VPS13B: variants seen among roughly 807,000 people sequenced by gnomAD.
VPS13B encodes the protein intermembrane lipid transfer protein VPS13B.
In VPS13B, 285 loss-of-function variants were observed where a neutral mutation model predicts 426.4. That is an observed-to-expected ratio of 0.67 (90% CI 0.61 to 0.74). VPS13B has a LOEUF of 0.74. Among genes scored for constraint, VPS13B ranks in the 30% least tolerant of loss-of-function variants. The pLI is 0.00. For synonymous variants in VPS13B, 1,676 were observed against 1,676.4 expected (o/e 1.00, Z 0.01); for missense variants, 4,537 against 4,782.6 (o/e 0.95, Z 1.51).
intron 17 of VPS13B, among the ~76,000 whole-genome samples, chr8:99,203,541 G>C (rs953614761): frequency 2.6e-5 from 4 of 152,086 alleles, no homozygotes; most frequent in Middle Eastern, 3.2e-3. Context: ...AGAAATAAAG[G>C]GTATTCAAAC....
At chr8:99,588,743 G>A (rs1053812903) in intron 33 of VPS13B, among the ~76,000 whole-genome samples, 7 of 151,626 alleles carry the variant, frequency 4.6e-5, no homozygotes, top group Non-Finnish European at 8.8e-5. Flanking sequence ...TAAATATACA[G>A]TCATGTCATC....
At chr8:99,736,680 A>C (rs1308914467) in intron 39 of VPS13B, among the ~76,000 whole-genome samples, 1 of 152,224 alleles carries the variant, frequency 6.6e-6, no homozygotes, top group Admixed American at 6.5e-5. Flanking sequence ...GTGCTATTGT[A>C]CTGTAGCCCA....
intron 3 of VPS13B, among the ~76,000 whole-genome samples, chr8:99,095,399 C>G (rs763173696): frequency 3.3e-5 from 5 of 152,064 alleles, no homozygotes; most frequent in Non-Finnish European, 7.4e-5. Flanking sequence ...ATGGTTCCTC[C>G]CACCACCCCT....
chr8:99,586,702 A>G (rs1354289190), intron 33 of VPS13B, among the ~76,000 whole-genome samples: 1 of 152,180 alleles, frequency 6.6e-6, no homozygotes, highest in Non-Finnish European at 1.5e-5. Context: ...ACAAATGAAG[A>G]AACAGTCTAT....
At chr8:99,832,139 GT>G (rs1815098755) in intron 51 of VPS13B, among the ~76,000 whole-genome samples, 2 of 151,872 alleles carry the variant, frequency 1.3e-5, no homozygotes, top group African/African-American at 4.8e-5. Flanking sequence ...GCATGTGCCT[GT>G]AGTCCCTGCT....
At chr8:99,407,542 A>T (rs1386238285) in intron 21 of VPS13B, among the ~76,000 whole-genome samples, 1 of 152,040 alleles carries the variant, frequency 6.6e-6, no homozygotes. Context: ...ACAAGTAGGC[A>T]CTCAGTTATA....
At chr8:99,356,645 T>TCAAA (rs776755821) in intron 19 of VPS13B, among the ~76,000 whole-genome samples, 13 of 152,194 alleles carry the variant, frequency 8.5e-5, no homozygotes, top group East Asian at 7.7e-4. Context: ...ACACCCTGTC[T>TCAAA]CAAACAAACA....
At chr8:99,451,611 A>G (rs1052795535) in intron 23 of VPS13B, among the ~76,000 whole-genome samples, 10 of 152,196 alleles carry the variant, frequency 6.6e-5, no homozygotes, top group African/African-American at 2.4e-4. Flanking sequence ...TCCATGTAGG[A>G]TTTCCAAATT....
intron 17 of VPS13B, among the ~76,000 whole-genome samples, chr8:99,235,420 T>C (rs1211347642): frequency 3.3e-5 from 5 of 152,188 alleles, no homozygotes; most frequent in African/African-American, 4.8e-5. Flanking sequence ...AGCTTAGTAG[T>C]GTGCTATATT....
chr8:99,699,451 G>A, intron 35 of VPS13B, 74 bp from the exon 36 acceptor site: 1 of 1,527,940 alleles, frequency 6.5e-7, no homozygotes, highest in Non-Finnish European at 8.9e-7. Flanking sequence ...TTATGTAGGA[G>A]CTTGTCAGAG....
At chr8:99,240,137 G>C (rs1816844138) in intron 17 of VPS13B, among the ~76,000 whole-genome samples, 1 of 152,134 alleles carries the variant, frequency 6.6e-6, no homozygotes, top group Admixed American at 6.5e-5. Flanking sequence ...CATTTTCTAA[G>C]TTATCTTTCA....
intron 33 of VPS13B, among the ~76,000 whole-genome samples, chr8:99,625,428 A>T (rs554325810): frequency 4.1e-4 from 63 of 152,248 alleles, no homozygotes; most frequent in South Asian, 1.7e-3. Context: ...GAGAAAATTT[A>T]AAAAAATTTC....
At chr8:99,449,438 C>T (rs140545523) in intron 23 of VPS13B, among the ~76,000 whole-genome samples, 257 of 152,064 alleles carry the variant, frequency 1.7e-3, no homozygotes, top group African/African-American at 5.9e-3. Context: ...GGATCTAGAG[C>T]TCTAAAGAGG....
intron 33 of VPS13B, among the ~76,000 whole-genome samples, chr8:99,594,774 G>A (rs1826907900): frequency 6.6e-6 from 1 of 151,916 alleles, no homozygotes; most frequent in South Asian, 2.1e-4. Context: ...GCTTCTGTAA[G>A]CACTGGGGTT....
intron 23 of VPS13B, among the ~76,000 whole-genome samples, chr8:99,455,348 A>G (rs946760088): frequency 6.6e-6 from 1 of 152,104 alleles, no homozygotes; most frequent in African/African-American, 2.4e-5. Flanking sequence ...TGCAGGCTGT[A>G]CAGGAAGCGT....
rs570662059 is a variant in VPS13B at position 99,747,377 on chromosome 8, G to A, written c.7051-19397G>A. ...CTATTAAGCTATAATATCCAGTTGAGAGACAGTGAAGTCCTGTGATTAAGG... is the reference window on the plus strand; with the variant it reads ...CTATTAAGCTATAATATCCAGTTGAAAGACAGTGAAGTCCTGTGATTAAGG... On this transcript the variant is annotated intron_variant, in intron 39 of 61. Transcript: ENST00000357162. 3.9e-5 allele frequency among the ~76,000 whole-genome samples: 6 copies of A among 151,962 alleles called. No individual in the cohort carries two copies. The East Asian group carries it at 1.2e-3, about 29-fold the overall frequency.
intron 35 of VPS13B, among the ~76,000 whole-genome samples, chr8:99,695,234 A>G (rs1460557838): frequency 1.3e-5 from 2 of 150,294 alleles, no homozygotes; most frequent in Non-Finnish European, 3.0e-5. Flanking sequence ...TGCTGCTATA[A>G]AGACACATGC....
At chr8:99,275,321 T>A in intron 19 of VPS13B, 67 bp downstream of exon 19, 17 of 1,399,128 alleles carry the variant, frequency 1.2e-5, no homozygotes, top group Non-Finnish European at 1.6e-5. Flanking sequence ...GAAAGGCTTT[T>A]AAAATTGGTA....
intron 30 of VPS13B, among the ~76,000 whole-genome samples, chr8:99,526,416 A>C (rs1328783489): frequency 2.0e-5 from 3 of 152,090 alleles, no homozygotes; most frequent in Admixed American, 1.3e-4. Context: ...AAGGCAAGGG[A>C]AAGGGAAAAG....
Sources: gnomAD v4.1 joint callset for allele counts (sites outside exome capture counted in the v4.1 genomes callset) on GRCh38, gnomAD v4.1.1 for gene constraint, MANE v1.5 for transcripts, NCBI Gene and HGNC (gene_info 2026-07-23, HGNC 2026-07-21) for gene names.